Variants in SMCHD1 observed in about 807,000 individuals in gnomAD.
The protein encoded by SMCHD1 is structural maintenance of chromosomes flexible hinge domain containing 1, also known as structural maintenance of chromosomes flexible hinge domain-containing protein 1.
SMCHD1 carries 78 observed loss-of-function variants against 254.7 expected under a neutral mutation model. That is an observed-to-expected ratio of 0.31 (90% CI 0.26 to 0.37). SMCHD1 has a LOEUF of 0.37. SMCHD1 is among the 10% of genes least tolerant of loss of function. The probability of loss-of-function intolerance (pLI) is 1.00; values close to 1 mark genes in which losing one functional copy is unlikely to be tolerated. For missense variants in SMCHD1, 1,840 were observed against 2,408.1 expected, an observed-to-expected ratio of 0.76 and a Z score of 4.94; for synonymous variants, 766 against 794.9, an observed-to-expected ratio of 0.96 and a Z score of 0.61.
intron 45 of SMCHD1, among the ~76,000 whole-genome samples, chr18:2,791,254 T>G (rs150483140): frequency 3.5e-4 from 53 of 152,220 alleles, no homozygotes; most frequent in African/African-American, 1.2e-3. Flanking sequence ...GACTTCTGCT[T>G]CTCACCAAGA....
chr18:2,769,603 T>G, intron 37 of SMCHD1, 91 bp from the exon 38 acceptor site: 1 of 1,399,248 alleles, frequency 7.1e-7, no homozygotes, highest in South Asian at 1.3e-5. Flanking sequence ...ACCACTTACT[T>G]GAAAACAGCA....
intron 45 of SMCHD1, among the ~76,000 whole-genome samples, chr18:2,787,296 G>T (rs2076255115): frequency 6.6e-6 from 1 of 152,108 alleles, no homozygotes; most frequent in Non-Finnish European, 1.5e-5. Context: ...TGAGGGATCT[G>T]CCCTCATGAC....
Position 2,694,779 on chromosome 18 carries a change from G to A in SMCHD1, c.1040+86G>A, listed in dbSNP as rs553144744. ...TTACAGATATATTGAAGCCTCTTTG[G>A]TATCCGTTTTGCTCCTGTCTCATTT... On this transcript the variant is annotated intron_variant, in intron 8 of 47. Transcript: ENST00000320876. 3.4e-6 allele frequency: 4 copies of A among 1,187,982 alleles called. No individual in the cohort carries two copies. The African/African-American group carries it at 4.6e-5, about 14-fold the overall frequency. The allele number at this position is 1,187,982 out of a possible 1,614,324, so 73.6% of individuals were successfully genotyped here.
chr18:2,775,586 T>G lies in SMCHD1; in HGVS notation c.5176-148T>G, dbSNP rs2076053819. ...TATCAGAATACAATGTTTAATATATTCAAGTTAAGTTTTTGACAACTTGAC... is the reference window on the plus strand; with the variant it reads ...TATCAGAATACAATGTTTAATATATGCAAGTTAAGTTTTTGACAACTTGAC... On this transcript the variant is annotated intron_variant, in intron 41 of 47. Transcript: ENST00000320876. 2.3e-5 allele frequency: 13 copies of G among 563,122 alleles called. No homozygotes were observed. The South Asian group carries it at 3.4e-4, about 15-fold the overall frequency. 34.9% of individuals were successfully genotyped at this position (563,122 alleles called of 1,614,324 possible). A position where few individuals can be genotyped will look rare whatever the true frequency, so the allele number is the denominator to read the frequency against.
At chr18:2,778,367 C>A in intron 44 of SMCHD1, 128 bp downstream of exon 44, 1 of 625,358 alleles carries the variant, frequency 1.6e-6, no homozygotes, top group Non-Finnish European at 2.6e-6. Flanking sequence ...TGATAAGCAA[C>A]ATAAAAGTAG....
At chr18:2,697,147 T>C (rs772848917) in intron 9 of SMCHD1, 25 bp downstream of exon 9, 2 of 1,154,744 alleles carry the variant, frequency 1.7e-6, no homozygotes, top group South Asian at 3.1e-5. Context: ...CATCTTAAAA[T>C]AATAAAAATT....
intron 8 of SMCHD1, among the ~76,000 whole-genome samples, chr18:2,696,185 A>G (rs1218369037): frequency 6.6e-6 from 1 of 152,096 alleles, no homozygotes; most frequent in Non-Finnish European, 1.5e-5. Context: ...CAAACTTACT[A>G]GTTTTGTTTT....
At chr18:2,706,293 T>C (rs966388733) in intron 14 of SMCHD1, 71 bp from the exon 15 acceptor site, 1 of 990,810 alleles carries the variant, frequency 1.0e-6, no homozygotes, top group African/African-American at 1.7e-5. Flanking sequence ...AAGAAACAAA[T>C]GGGTGTTTGT....
At chr18:2,658,116 A>T (rs1289982897) in intron 1 of SMCHD1, among the ~76,000 whole-genome samples, 4 of 152,278 alleles carry the variant, frequency 2.6e-5, no homozygotes, top group African/African-American at 2.4e-5. Context: ...ATAGCCGTTT[A>T]TGTCTTTTAT....
chr18:2,795,082 C>T lies in SMCHD1; in HGVS notation c.5720-867C>T, dbSNP rs567972686. Among the ~76,000 whole-genome samples the T allele has an allele frequency of 5.9e-4, 88 of 149,476 alleles. No individual in the cohort carries two copies. In the South Asian group the frequency reaches 9.5e-3, roughly 16 times the overall value. ...TTTGTTTTTGTTTTTGTTTTTGAGACGGAGTCTCGCTCTGTCACCCAGGCT... is the reference window on the plus strand; with the variant it reads ...TTTGTTTTTGTTTTTGTTTTTGAGATGGAGTCTCGCTCTGTCACCCAGGCT... On this transcript the variant is annotated intron_variant, in intron 45 of 47. Transcript: ENST00000320876.
intron 5 of SMCHD1, among the ~76,000 whole-genome samples, chr18:2,687,563 C>G (rs1054821874): frequency 1.3e-5 from 2 of 151,908 alleles, no homozygotes; most frequent in Admixed American, 6.6e-5. Flanking sequence ...TGTTTGGGCT[C>G]TTTTGGTTTT....
At position 2,778,217 on chromosome 18, in the gene SMCHD1, C is replaced by T. The variant is rs1437775906; in HGVS notation, c.5525C>T (p.Ala1842Val). The T allele has an allele frequency of 2.5e-6, 4 of 1,608,052 alleles. No homozygotes were observed. The highest frequency in any genetic ancestry group is 1.3e-5 in the African/African-American group (1 of 74,706). The change falls in exon 44 of 48, where the codon GCG (alanine) becomes GTG (valine). Residue 1842 changes from alanine (A) to valine (V), a missense_variant. Coordinates refer to ENST00000320876, the MANE Select transcript of SMCHD1 (RefSeq NM_015295.3). The part of the protein sequence containing the change: ...GDTIILDNLD[A>V]ANHYRKEVVK... ...ACCATTATTTTGGATAATCTGGATGCGGCCAATCATTATAGAAAAGAGGTA... is the reference window on the plus strand; with the variant it reads ...ACCATTATTTTGGATAATCTGGATGTGGCCAATCATTATAGAAAAGAGGTA...
Position 2,705,682 on chromosome 18 carries a change from A to G in SMCHD1, c.1843-12A>G. ...ACTGAAGCTTTTTTTTTTTTTAAAA[A>G]CTAAATATTAGGTCAAGACAATCAA... On this transcript the variant is annotated splice_polypyrimidine_tract_variant and intron_variant, in intron 13 of 47. Coordinates refer to ENST00000320876, the MANE Select transcript of SMCHD1 (RefSeq NM_015295.3). 1 of 1,325,804 alleles carries G rather than the reference A, an allele frequency of 7.5e-7. No individual in the cohort carries two copies. The highest frequency in any genetic ancestry group is 1.0e-6 in the Non-Finnish European group (1 of 961,290). 82.1% of individuals were successfully genotyped at this position (1,325,804 alleles called of 1,614,324 possible).
chr18:2,660,472 G>GTTTTTTTT (rs547130890), intron 1 of SMCHD1, among the ~76,000 whole-genome samples: 1 of 126,184 alleles, frequency 7.9e-6, no homozygotes, highest in African/African-American at 3.2e-5. Flanking sequence ...AAAATCCATG[G>GTTTTTTTT]TTTTTTTTTT....
chr18:2,802,267 C>T (rs1015635473), intron 47 of SMCHD1, among the ~76,000 whole-genome samples: 8 of 151,926 alleles, frequency 5.3e-5, no homozygotes, highest in African/African-American at 1.9e-4. Context: ...GAGATAATAC[C>T]ATTTCAAAGC....
intron 25 of SMCHD1, among the ~76,000 whole-genome samples, chr18:2,735,929 A>G (rs972132640): frequency 6.6e-6 from 1 of 152,242 alleles, no homozygotes; most frequent in African/African-American, 2.4e-5. Context: ...GGAACTAAAA[A>G]AGAGCTCAAA....
intron 5 of SMCHD1, among the ~76,000 whole-genome samples, chr18:2,685,078 T>C (rs191330979): frequency 7.4e-4 from 112 of 150,482 alleles, no homozygotes; most frequent in African/African-American, 2.7e-3. Flanking sequence ...CAGCACACTG[T>C]TCTGTTCTGT....
At chr18:2,719,927 G>A (rs1247404) in intron 19 of SMCHD1, among the ~76,000 whole-genome samples, 5 of 152,230 alleles carry the variant, frequency 3.3e-5, no homozygotes, top group Middle Eastern at 3.4e-3. Context: ...CGCCAGCCTC[G>A]GCCTCCCAAA....
At chr18:2,751,169 G>T (rs923626137) in intron 32 of SMCHD1, 109 bp from the exon 33 acceptor site, 5 of 505,604 alleles carry the variant, frequency 9.9e-6, no homozygotes, top group South Asian at 6.7e-5. Context: ...TTTAAATAAC[G>T]TGTGCTTTAA....
Sources: allele counts gnomAD v4.1 joint callset (sites outside exome capture counted in the v4.1 genomes callset), GRCh38; gene constraint gnomAD v4.1.1; transcripts MANE v1.5; gene names NCBI Gene and HGNC (gene_info 2026-07-23, HGNC 2026-07-21).